NOTCH2: variants seen among roughly 807,000 people sequenced by gnomAD.
NOTCH2 encodes the protein neurogenic locus notch homolog protein 2.
A neutral mutation model predicts 235.8 loss-of-function variants in NOTCH2; 29 were observed. That is an observed-to-expected ratio of 0.12 (90% CI 0.09 to 0.17). The LOEUF (loss-of-function observed/expected upper bound fraction) is 0.17, where lower values mean the gene tolerates loss of function less well. NOTCH2 is among the 10% of genes least tolerant of loss of function. The pLI, the probability that NOTCH2 is intolerant of heterozygous loss-of-function variation, is 1.00. For missense variants in NOTCH2, 2,285 were observed against 3,150.2 expected, an observed-to-expected ratio of 0.73 and a Z score of 6.57; for synonymous variants, 1,086 against 1,141.5, an observed-to-expected ratio of 0.95 and a Z score of 0.98.
chr1:119,976,632 T>C (rs1651590100), intron 5 of NOTCH2, among the ~76,000 whole-genome samples: 2 of 152,062 alleles, frequency 1.3e-5, no homozygotes, highest in Admixed American at 1.3e-4. Context: ...GATCTTAACA[T>C]GTAAAGTAGA....
rs764301517 is a variant in NOTCH2 at position 119,926,592 on chromosome 1, G to A, written c.3912C>T (p.Phe1304=). The change falls in exon 24 of 34, where the codon TTC becomes TTT. Residue 1304 remains phenylalanine, a synonymous_variant. Coordinates refer to ENST00000256646, the MANE Select transcript of NOTCH2 (RefSeq NM_024408.4). ...AGGGCATCTGGGGACACACATCGAC[G>A]AAGGTTTCACAGTGCCGGCCTCAGA... ...SAFTGRHCET[F]VDVCPQMPCL... is the part of the protein sequence containing the mutation. The A allele has an allele frequency of 2.7e-5, 43 of 1,608,154 alleles. 1 individual carries two copies. Among genetic ancestry groups the A allele is most frequent in the African/African-American group, 2.4e-4 (18 of 74,858 alleles).
chr1:119,932,650 T>TCTAC (rs1205246660), intron 22 of NOTCH2, among the ~76,000 whole-genome samples: 1 of 147,810 alleles, frequency 6.8e-6, no homozygotes. Flanking sequence ...TATCTATCTA[T>TCTAC]CTCAGAGAGA....
chr1:120,005,272 C>T (rs1317015438), intron 3 of NOTCH2, 57 bp downstream of exon 3: 23 of 1,613,364 alleles, frequency 1.4e-5, no homozygotes, highest in Middle Eastern at 1.7e-4. Flanking sequence ...CTAAAAGATG[C>T]TAAATAAAGG....
intron 12 of NOTCH2, among the ~76,000 whole-genome samples, chr1:119,958,072 T>C (rs587769546): frequency 1.6e-4 from 25 of 152,350 alleles, no homozygotes; most frequent in Non-Finnish European, 3.1e-4. Context: ...TAGCTCAAAA[T>C]TAGTTCTTCA....
At chr1:119,951,806 G>A (rs782016545) in intron 14 of NOTCH2, among the ~76,000 whole-genome samples, 3 of 152,232 alleles carry the variant, frequency 2.0e-5, no homozygotes, top group African/African-American at 7.2e-5. Flanking sequence ...GAATGCAGAG[G>A]TATGGGTTCA....
intron 16 of NOTCH2, 121 bp from the exon 17 acceptor site, chr1:119,948,687 C>T: frequency 5.9e-6 from 7 of 1,192,272 alleles, no homozygotes; most frequent in Non-Finnish European, 7.4e-6. Context: ...TGGTTGGCCC[C>T]CTGCTTTAGG....
chr1:119,970,720 G>T (rs1429679567), intron 5 of NOTCH2, among the ~76,000 whole-genome samples: 1 of 152,056 alleles, frequency 6.6e-6, no homozygotes, highest in Non-Finnish European at 1.5e-5. Flanking sequence ...AACAGTATAG[G>T]GCCAGATCAT....
chr1:119,995,282 ACT>A (rs1652396792), intron 4 of NOTCH2: 1 of 146,388 alleles, frequency 6.8e-6, no homozygotes, highest in Non-Finnish European at 1.5e-5. Context: ...GTGAATAATC[ACT>A]CTCTCTCAGC....
intron 31 of NOTCH2, 90 bp from the exon 32 acceptor site, chr1:119,918,643 G>C (rs2275653): frequency 1.5e-6 from 2 of 1,330,158 alleles, no homozygotes; most frequent in East Asian, 4.6e-5. Flanking sequence ...CAGAGCTGAG[G>C]CTACAGTGTA....
Position 120,001,785 on chromosome 1 carries a change from C to G in NOTCH2, c.415+3544G>C, listed in dbSNP as rs1344107619. ...CCTTATCCACTGTCATGGTATTCCA[C>G]ACAGCATTGCCTCTAACCAAGGCAT... On this transcript the variant is annotated intron_variant, in intron 3 of 33. Coordinates refer to ENST00000256646, the MANE Select transcript of NOTCH2 (RefSeq NM_024408.4). Among the ~76,000 whole-genome samples, 16 of 152,342 alleles carry G rather than the reference C, an allele frequency of 1.1e-4. No homozygotes were observed. In the East Asian group the frequency reaches 1.2e-3, roughly 11 times the overall value.
rs587736939 is a variant in NOTCH2 at position 119,920,307 on chromosome 1, T to C, written c.5401A>G (p.Arg1801Gly). Residue 1801 changes from arginine to glycine, a missense_variant, in exon 30 of 34, where the codon AGG becomes GGG. Coordinates refer to ENST00000256646, the MANE Select transcript of NOTCH2 (RefSeq NM_024408.4). Reference protein sequence around the residue: ...QQHLEAADIRRTPSLALTPPQ... With the variant: ...QQHLEAADIRGTPSLALTPPQ... ...GGGGTGAGAGCCAGCGATGGTGTCCTACGGATGTCTGCAGCTTCAAGGTGC... is the reference window on the plus strand; with the variant it reads ...GGGGTGAGAGCCAGCGATGGTGTCCCACGGATGTCTGCAGCTTCAAGGTGC... 104 of 1,614,216 alleles carry C rather than the reference T, an allele frequency of 6.4e-5. No individual in the cohort carries two copies. The South Asian group carries it at 9.4e-4, about 15-fold the overall frequency.
chr1:119,916,225 G>C lies in NOTCH2; in HGVS notation c.6497C>G (p.Ser2166Cys), dbSNP rs1179449880. ...SPHTYVSDTTSSPMITSPGIL... is the reference protein window; with the variant it reads ...SPHTYVSDTTCSPMITSPGIL... ...CCCAGGGGATGTAATCATTGGAGAG[G>C]ATGTGGTGTCGGAAACATACGTGTG... The change falls in exon 34 of 34, where the codon TCC becomes TGC. Residue 2166 changes from serine to cysteine, a missense_variant. By Grantham distance (112) the Ser-to-Cys change is moderately radical. This residue lies in a region of NOTCH2 where 504 missense variants were observed against 538.0 expected (regional missense o/e 0.94). Coordinates refer to ENST00000256646, the MANE Select transcript of NOTCH2 (RefSeq NM_024408.4). 6.2e-7 allele frequency: 1 copy of C among 1,614,118 alleles called. No individual in the cohort carries two copies. The highest frequency in any genetic ancestry group is 1.3e-5 in the African/African-American group (1 of 74,936).
chr1:119,920,441 A>G, intron 29 of NOTCH2, 44 bp from the exon 30 acceptor site: 1 of 1,608,142 alleles, frequency 6.2e-7, no homozygotes, highest in South Asian at 1.1e-5. Flanking sequence ...GGCCACCACC[A>G]GAAACTGCTA....
intron 9 of NOTCH2, 33 bp downstream of exon 9, chr1:119,966,343 A>T: frequency 6.9e-7 from 1 of 1,458,794 alleles, no homozygotes; most frequent in Non-Finnish European, 9.6e-7. Context: ...TTTGTGCTTT[A>T]AGAGAAAACA....
intron 32 of NOTCH2, among the ~76,000 whole-genome samples, 176 bp downstream of exon 32, chr1:119,918,230 C>A (rs587693516): frequency 6.6e-6 from 1 of 152,310 alleles, no homozygotes; most frequent in East Asian, 1.9e-4. Context: ...TTAGGGATCT[C>A]CTACTGGCTT....
At chr1:119,931,102 TAAAA>T (rs79286766) in intron 22 of NOTCH2, among the ~76,000 whole-genome samples, 1 of 126,480 alleles carries the variant, frequency 7.9e-6, no homozygotes. Context: ...GACTCTGTCT[TAAAA>T]AAAAAAAAAA....
rs1648992885 is a variant in NOTCH2, at chr1:119,914,410, G to A, written c.*896C>T. 8.6e-6 allele frequency: 2 copies of A among 233,118 alleles called. No homozygotes were observed. Among genetic ancestry groups the A allele is most frequent in the Non-Finnish European group, 1.7e-5 (2 of 118,020 alleles). 14.4% of individuals were successfully genotyped at this position (233,118 alleles called of 1,614,324 possible). On this transcript the variant is annotated 3_prime_UTR_variant, in exon 34 of 34. Transcript: ENST00000256646. ...AGGGTCATAGTAACTAGACTATCAA[G>A]GATAAAACTTTACACTGACCAGGCC...
At chr1:119,977,731 G>A (rs891149876) in intron 5 of NOTCH2, among the ~76,000 whole-genome samples, 9 of 152,054 alleles carry the variant, frequency 5.9e-5, no homozygotes, top group Admixed American at 2.0e-4. Context: ...GTACAAACTC[G>A]GTACACACTG....
chr1:119,987,261 A>G (rs914118178), intron 4 of NOTCH2, among the ~76,000 whole-genome samples, 179 bp from the exon 5 acceptor site: 36 of 152,218 alleles, frequency 2.4e-4, no homozygotes, highest in Admixed American at 2.4e-3. Context: ...GGCCTCAAGC[A>G]TAGCTAGACA....
Sources: allele counts gnomAD v4.1 joint callset (sites outside exome capture counted in the v4.1 genomes callset), GRCh38; gene constraint gnomAD v4.1.1; regional missense constraint gnomAD v4.1.1; transcripts MANE v1.5; gene names NCBI Gene and HGNC (gene_info 2026-07-23, HGNC 2026-07-21).